Variants in BTBD9 observed in about 807,000 individuals in gnomAD.
BTBD9 encodes the protein BTB domain containing 9, also known as BTB/POZ domain-containing protein 9.
In BTBD9, 49 loss-of-function variants were observed where a neutral mutation model predicts 64.3. That is an observed-to-expected ratio of 0.76 (90% confidence interval 0.61 to 0.97). BTBD9 has a LOEUF of 0.97. Among genes scored for constraint, BTBD9 ranks in the 50% least tolerant of loss-of-function variants. BTBD9 has a pLI of 0.00. For synonymous variants in BTBD9, 260 were observed against 274.7 expected (o/e 0.95, Z 0.53); for missense variants, 598 against 762.1 (o/e 0.78, Z 2.53).
chr6:38,374,813 T>TGG (rs1212856396), intron 6 of BTBD9, among the ~76,000 whole-genome samples: 1 of 152,060 alleles, frequency 6.6e-6, no homozygotes, highest in African/African-American at 2.4e-5. Context: ...CTTAGAGAAG[T>TGG]ATCATTGGCT....
At chr6:38,180,678 A>G (rs150114447) in intron 10 of BTBD9, among the ~76,000 whole-genome samples, 2 of 152,130 alleles carry the variant, frequency 1.3e-5, no homozygotes, top group Non-Finnish European at 2.9e-5. Context: ...GAGCCGCACT[A>G]CTCATTTATG....
chr6:38,596,668 G>A (rs1430320388), intron 2 of BTBD9, among the ~76,000 whole-genome samples: 1 of 152,098 alleles, frequency 6.6e-6, no homozygotes, highest in Admixed American at 6.5e-5. Flanking sequence ...GAGCGTGGTG[G>A]CAGGCGCCCG....
intron 6 of BTBD9, among the ~76,000 whole-genome samples, chr6:38,428,082 G>T (rs944346081): frequency 6.6e-6 from 1 of 151,896 alleles, no homozygotes; most frequent in Non-Finnish European, 1.5e-5. Flanking sequence ...CTACTCTGAG[G>T]GCTGAAAGTT....
intron 6 of BTBD9, among the ~76,000 whole-genome samples, chr6:38,393,022 G>A (rs896404198): frequency 4.6e-5 from 7 of 151,938 alleles, no homozygotes; most frequent in Non-Finnish European, 7.4e-5. Flanking sequence ...TTACAGGCGC[G>A]TGCCACCATG....
At chr6:38,548,883 G>T (rs749342598) in intron 6 of BTBD9, among the ~76,000 whole-genome samples, 73 of 152,148 alleles carry the variant, frequency 4.8e-4, no homozygotes, top group Non-Finnish European at 1.0e-3. Flanking sequence ...GATACAGCCA[G>T]GCAGAAATTA....
chr6:38,252,132 T>C (rs1437799769), intron 9 of BTBD9, among the ~76,000 whole-genome samples: 8 of 152,114 alleles, frequency 5.3e-5, no homozygotes, highest in South Asian at 4.1e-4. Context: ...GCAGAGAGAC[T>C]AACAGAGACA....
chr6:38,592,720 C>T lies in BTBD9; in HGVS notation c.670G>A (p.Ala224Thr). The T allele has an allele frequency of 6.2e-7, 1 of 1,614,146 alleles. No individual in the cohort carries two copies. The highest frequency in any genetic ancestry group is 1.1e-5 in the South Asian group (1 of 91,076). Reference protein sequence around the residue: ...SKENHAEIMQAVRLPLMSLTE... With the variant: ...SKENHAEIMQTVRLPLMSLTE... Reference sequence around the variant, plus strand: ...AGGCTCATGAGAGGTAAACGCACAGCCTGCATGATTTCAGCATGATTCTCC... The same window carrying T: ...AGGCTCATGAGAGGTAAACGCACAGTCTGCATGATTTCAGCATGATTCTCC... Residue 224 changes from alanine to threonine, a missense_variant, in exon 4 of 11, where the codon GCT (alanine) becomes ACT (threonine). By Grantham distance (58) the Ala-to-Thr change is moderately conservative. Coordinates refer to ENST00000481247, the MANE Select transcript of BTBD9 (RefSeq NM_001099272.2).
chr6:38,411,411 T>C (rs945887331), intron 6 of BTBD9, among the ~76,000 whole-genome samples: 3 of 152,212 alleles, frequency 2.0e-5, no homozygotes, highest in African/African-American at 4.8e-5. Context: ...TGAAATTGTA[T>C]GTTTATTATT....
chr6:38,472,980 A>G (rs150152618), intron 6 of BTBD9, among the ~76,000 whole-genome samples: 112 of 152,352 alleles, frequency 7.4e-4, no homozygotes, highest in African/African-American at 2.6e-3. Context: ...CCTGTGAAGT[A>G]TGTGAAAACA....
chr6:38,406,154 C>T (rs746470312), intron 6 of BTBD9, among the ~76,000 whole-genome samples: 2 of 152,204 alleles, frequency 1.3e-5, no homozygotes, highest in Non-Finnish European at 2.9e-5. Context: ...GAAAGAAATT[C>T]TTCACAACTC....
At chr6:38,394,807 C>G (rs990797924) in intron 6 of BTBD9, among the ~76,000 whole-genome samples, 34 of 152,186 alleles carry the variant, frequency 2.2e-4, no homozygotes, top group Admixed American at 9.2e-4. Context: ...CCAGTGTCAA[C>G]TTTCCAACCA....
chr6:38,608,375 G>A (rs570668412), intron 1 of BTBD9, among the ~76,000 whole-genome samples: 1 of 152,260 alleles, frequency 6.6e-6, no homozygotes, highest in African/African-American at 2.4e-5. Context: ...TGAGCGCAGA[G>A]GTTATTAGTT....
rs188243096 is a variant in BTBD9 at position 38,275,689 on chromosome 6, G to A, written c.1454+12583C>T. On this transcript the variant is annotated intron_variant, in intron 8 of 10. Transcript: ENST00000481247. ...CAACTCCATCAAAAAGTGGGCGAAG[G>A]ATATGAACAGACACTTCTCAAAAGA... is the stretch of plus-strand genomic sequence containing the variant. Among the ~76,000 whole-genome samples, 477 of 152,270 alleles carry A rather than the reference G, an allele frequency of 3.1e-3. 3 individuals are homozygous for A. The highest frequency in any genetic ancestry group is 5.7e-3 in the Non-Finnish European group (387 of 68,024).
At chr6:38,505,167 A>G (rs1276619007) in intron 6 of BTBD9, among the ~76,000 whole-genome samples, 1 of 152,156 alleles carries the variant, frequency 6.6e-6, no homozygotes, top group Admixed American at 6.5e-5. Flanking sequence ...GGCATTCCTC[A>G]GGGCTTAGTC....
chr6:38,232,978 G>A (rs1763662335), intron 9 of BTBD9, among the ~76,000 whole-genome samples: 1 of 152,120 alleles, frequency 6.6e-6, no homozygotes, highest in African/African-American at 2.4e-5. Context: ...TGGGCCAACT[G>A]GATTTTTAAT....
chr6:38,506,925 T>C (rs572280515), intron 6 of BTBD9, among the ~76,000 whole-genome samples: 1 of 152,270 alleles, frequency 6.6e-6, no homozygotes, highest in East Asian at 1.9e-4. Context: ...ATTTATACTG[T>C]TTTTCCCTAA....
intron 6 of BTBD9, among the ~76,000 whole-genome samples, chr6:38,559,288 G>T (rs1017278163): frequency 3.3e-5 from 5 of 151,888 alleles, no homozygotes; most frequent in African/African-American, 1.2e-4. Context: ...CATTCAAGTT[G>T]AGAGCCAAAT....
At chr6:38,497,753 C>T (rs879519209) in intron 6 of BTBD9, among the ~76,000 whole-genome samples, 3 of 152,292 alleles carry the variant, frequency 2.0e-5, no homozygotes, top group East Asian at 1.9e-4. Context: ...ATTTCCAAAC[C>T]TTGTTGCTAC....
At chr6:38,324,531 C>A (rs966620753) in intron 7 of BTBD9, among the ~76,000 whole-genome samples, 2 of 152,106 alleles carry the variant, frequency 1.3e-5, no homozygotes, top group African/African-American at 4.8e-5. Context: ...GCTGCAGGGC[C>A]TGCTGAGCAG....
Sources: allele counts gnomAD v4.1 joint callset (sites outside exome capture counted in the v4.1 genomes callset), GRCh38; gene constraint gnomAD v4.1.1; transcripts MANE v1.5; gene names NCBI Gene and HGNC (gene_info 2026-07-23, HGNC 2026-07-21).